IMPG2: variants seen among roughly 807,000 people sequenced by gnomAD.
The protein encoded by IMPG2 is interphotoreceptor matrix proteoglycan 2.
IMPG2 carries 91 observed loss-of-function variants against 129.2 expected under a neutral mutation model. The ratio of observed to expected loss-of-function variants is 0.70; its 90% CI spans 0.59 to 0.84. The LOEUF (loss-of-function observed/expected upper bound fraction) is 0.84. IMPG2 is among the 40% of genes least tolerant of loss of function. IMPG2 has a pLI of 0.00. For missense variants in IMPG2, 1,430 were observed against 1,461.7 expected (o/e 0.98, Z 0.35); for synonymous variants, 510 against 517.7 (o/e 0.99, Z 0.20).
At chr3:101,319,388 A>G (rs950937760) in intron 2 of IMPG2, among the ~76,000 whole-genome samples, 196 bp downstream of exon 2, 2 of 152,194 alleles carry the variant, frequency 1.3e-5, no homozygotes, top group African/African-American at 4.8e-5. Flanking sequence ...GGCACTGGAA[A>G]AAAAACAAAC....
chr3:101,284,514 T>A (rs1176090426), intron 4 of IMPG2, among the ~76,000 whole-genome samples: 20 of 151,966 alleles, frequency 1.3e-4, no homozygotes, highest in Admixed American at 1.3e-3. Context: ...AAACAAATTC[T>A]AATATTCAAT....
chr3:101,313,799 C>A lies in IMPG2; in HGVS notation c.334+5785G>T, dbSNP rs1107735. 1.8e-4 allele frequency among the ~76,000 whole-genome samples: 28 copies of A among 151,942 alleles called. No homozygotes were observed. In the South Asian group the frequency reaches 5.6e-3, roughly 30 times the overall value. ...CATAGAAATTGTTAAGTAGTATAAC[C>A]ATATTTGTAGATGAAATAATTATCT... On this transcript the variant is annotated intron_variant, in intron 2 of 18. Transcript: ENST00000193391.
chr3:101,232,936 C>G lies in IMPG2; in HGVS notation c.3078G>C (p.Leu1026=). 2 of 1,614,012 alleles carry G rather than the reference C, an allele frequency of 1.2e-6. No individual in the cohort carries two copies. The highest frequency in any genetic ancestry group is 1.7e-6 in the Non-Finnish European group (2 of 1,180,016). Residue 1026 remains leucine (L), a synonymous_variant, in exon 15 of 19, where the codon CTG becomes CTC. Coordinates refer to ENST00000193391, the MANE Select transcript of IMPG2 (RefSeq NM_016247.4). Reference sequence around the variant, plus strand: ...TTGCTTCTCCACTCCAGGGGTTGACCAGACACTCTGAAAATTCATTACAGG... The same window carrying G: ...TTGCTTCTCCACTCCAGGGGTTGACGAGACACTCTGAAAATTCATTACAGG... The part of the protein sequence containing the change: ...FQACNEFSEC[L]VNPWSGEAKC...
In IMPG2 at chr3:101,243,635, A is replaced by C; in HGVS notation, c.2696T>G (p.Leu899Trp). ...DLSYTQTSGA[L>W]VVFFSLRVTN... ...CACTCGGAGGCTGAAGAAAACCACCAAAGCTCCTGAAGTCTGGGTATAACT... is the reference window on the plus strand; with the variant it reads ...CACTCGGAGGCTGAAGAAAACCACCCAAGCTCCTGAAGTCTGGGTATAACT... Residue 899 changes from leucine to tryptophan, a missense_variant, in exon 13 of 19, where the codon TTG becomes TGG. Physicochemically the swap from Leu to Trp is moderately conservative, Grantham distance 61 (BLOSUM62 -2). Transcript: ENST00000193391. 6.2e-7 allele frequency: 1 copy of C among 1,613,986 alleles called. No individual in the cohort carries two copies. The highest frequency in any genetic ancestry group is 8.5e-7 in the Non-Finnish European group (1 of 1,179,968).
intron 17 of IMPG2, 58 bp downstream of exon 17, chr3:101,229,316 CCCTGCT>C: frequency 9.2e-7 from 1 of 1,083,880 alleles, no homozygotes; most frequent in African/African-American, 1.6e-5. Context: ...ACCCACCACC[CCCTGCT>C]CCCCCACACA....
intron 4 of IMPG2, among the ~76,000 whole-genome samples, chr3:101,287,895 C>T (rs545139285): frequency 1.3e-5 from 2 of 152,168 alleles, no homozygotes; most frequent in African/African-American, 4.8e-5. Flanking sequence ...ACAAGTGGGA[C>T]TTCATTAAAC....
intron 2 of IMPG2, among the ~76,000 whole-genome samples, chr3:101,313,746 C>A (rs945016378): frequency 1.3e-5 from 2 of 151,562 alleles, no homozygotes; most frequent in African/African-American, 2.4e-5. Flanking sequence ...CATTTTGGTG[C>A]AATAAGGCAA....
At chr3:101,251,073 A>T (rs573274644) in intron 11 of IMPG2, among the ~76,000 whole-genome samples, 32 of 152,232 alleles carry the variant, frequency 2.1e-4, no homozygotes, top group Admixed American at 2.1e-3. Context: ...CAAATTCCAA[A>T]TGTACCTTAA....
intron 14 of IMPG2, among the ~76,000 whole-genome samples, chr3:101,241,625 A>C (rs1706408759): frequency 6.6e-6 from 1 of 152,126 alleles, no homozygotes; most frequent in Admixed American, 6.6e-5. Flanking sequence ...GAGTCGTACC[A>C]ATGGAGATAG....
intron 14 of IMPG2, among the ~76,000 whole-genome samples, chr3:101,240,576 T>C (rs1026864141): frequency 6.6e-6 from 1 of 152,184 alleles, no homozygotes; most frequent in Non-Finnish European, 1.5e-5. Context: ...ATTACCCCCA[T>C]TTAATATATG....
In IMPG2 at chr3:101,269,547, T is replaced by C. The variant is rs570121146; in HGVS notation, c.855A>G (p.Pro285=). Residue 285 remains proline, a synonymous_variant, in exon 8 of 19, where the codon CCA becomes CCG. Transcript: ENST00000193391. ...CAAGTACACGAATTTCCTTGTAGCC[T>C]GGTAACCCAGTAAATGCATTTTCAA... ...SEVENAFTGL[P]GYKEIRVLEF... is the part of the protein sequence containing the mutation. The C allele has an allele frequency of 2.5e-6, 4 of 1,596,464 alleles. No homozygotes were observed. The highest frequency in any genetic ancestry group is 3.4e-6 in the Non-Finnish European group (4 of 1,164,180).
chr3:101,270,020 T>G (rs1706764482), intron 7 of IMPG2, among the ~76,000 whole-genome samples: 2 of 145,556 alleles, frequency 1.4e-5, no homozygotes, highest in South Asian at 2.3e-4. Flanking sequence ...AAACTCCACC[T>G]TCCAGGTTCA....
intron 14 of IMPG2, among the ~76,000 whole-genome samples, chr3:101,234,746 T>C (rs1706328094): frequency 6.6e-6 from 1 of 152,188 alleles, no homozygotes; most frequent in Non-Finnish European, 1.5e-5. Context: ...TGGTACTGCA[T>C]AGCTCTCCTT....
At chr3:101,250,987 G>A (rs978214062) in intron 11 of IMPG2, among the ~76,000 whole-genome samples, 2 of 152,172 alleles carry the variant, frequency 1.3e-5, no homozygotes, top group East Asian at 3.8e-4. Context: ...CATACCATAA[G>A]AGGGAATTAA....
At chr3:101,248,866 T>A (rs1312409572) in intron 11 of IMPG2, among the ~76,000 whole-genome samples, 1 of 152,202 alleles carries the variant, frequency 6.6e-6, no homozygotes, top group Admixed American at 6.5e-5. Context: ...CTTCAGATCC[T>A]TCTCTTCCTG....
In IMPG2 at chr3:101,226,197, C is replaced by T. The variant is rs1215108888; in HGVS notation, c.*772G>A. 4.7e-5 allele frequency: 5 copies of T among 106,934 alleles called. No homozygotes were observed. The highest frequency in any genetic ancestry group is 1.0e-4 in the Non-Finnish European group (5 of 49,022). 6.6% of individuals were successfully genotyped at this position (106,934 alleles called of 1,614,324 possible). A position where few individuals can be genotyped will look rare whatever the true frequency, so the allele number is the denominator to read the frequency against. On this transcript the variant is annotated 3_prime_UTR_variant, in exon 19 of 19. Transcript: ENST00000193391. Reference sequence around the variant, plus strand: ...TCCCTGCCCATGTGATTAAATTTGTCTTTAGATTAATGGGAATCTTCTAAA... The same window carrying T: ...TCCCTGCCCATGTGATTAAATTTGTTTTTAGATTAATGGGAATCTTCTAAA...
At chr3:101,229,300 A>ACCCCCCCCCCCCCCCCCCCGCTCCCC in intron 17 of IMPG2, 80 bp downstream of exon 17, 1 of 859,118 alleles carries the variant, frequency 1.2e-6, no homozygotes, top group East Asian at 2.9e-5. Flanking sequence ...ACTCATACAC[A>ACCCCCCCCCCCCCCCCCCCGCTCCCC]CCCCCACCCA....
At chr3:101,283,341 T>A (rs915770671) in intron 4 of IMPG2, among the ~76,000 whole-genome samples, 5 of 152,082 alleles carry the variant, frequency 3.3e-5, no homozygotes, top group African/African-American at 4.8e-5. Context: ...TTCCTTTTTT[T>A]AAAAAATGTA....
At chr3:101,276,458 G>A (rs1403146918) in intron 5 of IMPG2, among the ~76,000 whole-genome samples, 2 of 152,060 alleles carry the variant, frequency 1.3e-5, no homozygotes, top group African/African-American at 4.8e-5. Context: ...TATACTTAAT[G>A]ATTAAGGAGT....
Sources: allele counts gnomAD v4.1 joint callset (sites outside exome capture counted in the v4.1 genomes callset), GRCh38; gene constraint gnomAD v4.1.1; transcripts MANE v1.5; gene names NCBI Gene and HGNC (gene_info 2026-07-23, HGNC 2026-07-21).